The following ANKRD17 variants were observed in gnomAD, a reference collection of about 807,000 sequenced individuals.
The protein encoded by ANKRD17 is ankyrin repeat domain-containing protein 17.
A neutral mutation model predicts 229.7 loss-of-function variants in ANKRD17; 19 were observed. The observed-to-expected ratio is 0.08, with a 90% CI of 0.06 to 0.12. ANKRD17 has a LOEUF of 0.12. ANKRD17 is among the 10% of genes least tolerant of loss of function. ANKRD17 has a pLI of 1.00. For missense variants in ANKRD17, 2,176 were observed against 3,176.8 expected, an observed-to-expected ratio of 0.68 and a Z score of 7.57; for synonymous variants, 1,112 against 1,146.1, an observed-to-expected ratio of 0.97 and a Z score of 0.60.
chr4:73,208,221 T>C (rs1739777832), intron 1 of ANKRD17, among the ~76,000 whole-genome samples: 2 of 145,606 alleles, frequency 1.4e-5, no homozygotes, highest in South Asian at 4.4e-4. Context: ...AACTTGAACA[T>C]TATTAACTTA....
At chr4:73,107,778 C>T (rs1032566211) in intron 24 of ANKRD17, among the ~76,000 whole-genome samples, 2 of 152,128 alleles carry the variant, frequency 1.3e-5, no homozygotes, top group African/African-American at 4.8e-5. Flanking sequence ...GGCTTGATCA[C>T]CTAAGGCCTT....
intron 23 of ANKRD17, among the ~76,000 whole-genome samples, 200 bp from the exon 24 acceptor site, chr4:73,114,108 G>C (rs1043039949): frequency 1.3e-4 from 20 of 152,154 alleles, no homozygotes; most frequent in African/African-American, 4.6e-4. Context: ...TCAAAGAGTA[G>C]CTTTTGCTAT....
chr4:73,112,029 G>A (rs939209115), intron 24 of ANKRD17, among the ~76,000 whole-genome samples: 3 of 152,156 alleles, frequency 2.0e-5, no homozygotes, highest in African/African-American at 7.2e-5. Flanking sequence ...GACATTCATG[G>A]AAGATGCTGC....
At chr4:73,077,942 T>C (rs1330870588) in intron 31 of ANKRD17, among the ~76,000 whole-genome samples, 2 of 152,264 alleles carry the variant, frequency 1.3e-5, no homozygotes, top group Non-Finnish European at 2.9e-5. Context: ...AAAATAGGAA[T>C]ACAGATCTTT....
At chr4:73,230,044 A>C (rs1195409282) in intron 1 of ANKRD17, among the ~76,000 whole-genome samples, 1 of 152,100 alleles carries the variant, frequency 6.6e-6, no homozygotes, top group African/African-American at 2.4e-5. Flanking sequence ...TTTCTATCTC[A>C]GTTTCTTGGC....
chr4:73,141,915 ATAAAT>A, intron 13 of ANKRD17, 72 bp from the exon 14 acceptor site: 1 of 1,132,972 alleles, frequency 8.8e-7, no homozygotes, highest in African/African-American at 1.6e-5. Context: ...TAAATAAAGA[ATAAAT>A]TAGAGATTTT....
At chr4:73,247,922 CT>C (rs139242028) in intron 1 of ANKRD17, among the ~76,000 whole-genome samples, 33,344 of 151,580 alleles carry the variant, frequency 0.22, 4,768 homozygotes, top group African/African-American at 0.41. Context: ...TTTTTCTATT[CT>C]TTAGATCTTT....
intron 3 of ANKRD17, 113 bp downstream of exon 3, chr4:73,161,079 A>G (rs1732467568): frequency 2.3e-6 from 3 of 1,282,800 alleles, no homozygotes; most frequent in Non-Finnish European, 3.2e-6. Context: ...TCACATGTTA[A>G]GTGGTTAGCA....
In ANKRD17 at chr4:73,155,634, T is replaced by C. The variant is rs142443589; in HGVS notation, c.997A>G (p.Thr333Ala). The part of the protein sequence containing the change: ...HKADVNAQSS[T>A]GNTALTYACA... ...CTGAAAAAGAAATAGGCATGACCTG[T>C]TGAAGACTGTGCATTAACATCTGCT... Residue 333 changes from threonine (T) to alanine (A), a missense_variant, in exon 5 of 34, where the codon ACA (threonine) becomes GCA (alanine). Thr to Ala is a moderately conservative substitution (Grantham distance 58). This residue lies in a region of ANKRD17 where 184 missense variants were observed against 357.8 expected (regional missense o/e 0.51). Coordinates refer to ENST00000358602, the MANE Select transcript of ANKRD17 (RefSeq NM_032217.5). 8.1e-6 allele frequency: 13 copies of C among 1,614,024 alleles called. No individual in the cohort carries two copies. The highest frequency in any genetic ancestry group is 1.0e-5 in the Non-Finnish European group (12 of 1,180,022).
chr4:73,146,769 C>A lies in ANKRD17; in HGVS notation c.1864G>T (p.Asp622Tyr), dbSNP rs1301966725. Reference protein sequence around the residue: ...VADVLLQAGADLEHESEGGRT... With the variant: ...VADVLLQAGAYLEHESEGGRT... ...TAAAAAGTAACATAGCTTACCAGAT[C>A]TGCGCCTGCCTGAAGTAAGACATCT... Residue 622 changes from aspartate to tyrosine, a missense_variant, in exon 10 of 34, where the codon GAT becomes TAT. Physicochemically the swap from Asp to Tyr is radical, Grantham distance 160. Transcript: ENST00000358602. 2 of 1,601,364 alleles carry A rather than the reference C, an allele frequency of 1.2e-6. No individual in the cohort carries two copies. Among genetic ancestry groups the A allele is most frequent in the Admixed American group, 1.7e-5 (1 of 59,668 alleles).
intron 24 of ANKRD17, among the ~76,000 whole-genome samples, chr4:73,104,973 C>G (rs1224175165): frequency 1.3e-5 from 2 of 152,078 alleles, no homozygotes; most frequent in Non-Finnish European, 2.9e-5. Context: ...TTTGGATTAT[C>G]GAACTTCAGA....
At chr4:73,090,607 G>T (rs1366571101) in intron 29 of ANKRD17, 60 bp downstream of exon 29, 1 of 1,594,180 alleles carries the variant, frequency 6.3e-7, no homozygotes, top group South Asian at 1.1e-5. Flanking sequence ...AAATGACCAA[G>T]AATTTTCACA....
At chr4:73,191,918 C>T (rs907484730) in intron 1 of ANKRD17, among the ~76,000 whole-genome samples, 25 of 151,988 alleles carry the variant, frequency 1.6e-4, no homozygotes, top group African/African-American at 5.6e-4. Flanking sequence ...CAACCAACTA[C>T]GTATATGGAA....
intron 1 of ANKRD17, among the ~76,000 whole-genome samples, chr4:73,192,320 G>A (rs955399901): frequency 9.2e-5 from 14 of 151,834 alleles, no homozygotes; most frequent in African/African-American, 3.4e-4. Flanking sequence ...TCTTCACATT[G>A]TTAGGTGGAA....
intron 7 of ANKRD17, among the ~76,000 whole-genome samples, chr4:73,149,709 A>G (rs1273141472): frequency 6.6e-6 from 1 of 152,056 alleles, no homozygotes; most frequent in Non-Finnish European, 1.5e-5. Flanking sequence ...TCTACAAAAA[A>G]TACAAAAATT....
At chr4:73,098,935 G>A in intron 25 of ANKRD17, 2 of 1,006,092 alleles carry the variant, frequency 2.0e-6, no homozygotes, top group Non-Finnish European at 1.6e-6. Context: ...TGAGTTCCGG[G>A]ACAGCACTGG....
intron 25 of ANKRD17, chr4:73,099,148 G>A (rs981837590): frequency 1.3e-5 from 9 of 692,026 alleles, no homozygotes; most frequent in East Asian, 1.2e-4. Context: ...AGCAGTGACC[G>A]TGTGTGCTGC....
chr4:73,252,499 G>A (rs1449425034), intron 1 of ANKRD17, among the ~76,000 whole-genome samples: 1 of 152,134 alleles, frequency 6.6e-6, no homozygotes, highest in African/African-American at 2.4e-5. Context: ...AAGGTAGGAG[G>A]GAGAGGGTGG....
rs532129013 is a variant in ANKRD17, at chr4:73,085,204, A to G, written c.7159+45T>C. 7.6e-6 allele frequency: 12 copies of G among 1,579,368 alleles called. No homozygotes were observed. The South Asian group carries it at 1.2e-4, about 16-fold the overall frequency. On this transcript the variant is annotated intron_variant, in intron 30 of 33. Coordinates refer to ENST00000358602, the MANE Select transcript of ANKRD17 (RefSeq NM_032217.5). ...AGGTTTGAAACCTGCTGTTTTTAAG[A>G]AAACATATGCAGATTCTTATGGAAT...
Sources: allele counts gnomAD v4.1 joint callset (sites outside exome capture counted in the v4.1 genomes callset), GRCh38; gene constraint gnomAD v4.1.1; regional missense constraint gnomAD v4.1.1; transcripts MANE v1.5; gene names NCBI Gene and HGNC (gene_info 2026-07-23, HGNC 2026-07-21).